The following ORC4 variants were observed in gnomAD, a reference collection of about 807,000 sequenced individuals.
The protein encoded by ORC4 is origin recognition complex, subunit 4 homolog.
A neutral mutation model predicts 63.9 loss-of-function variants in ORC4; 55 were observed. The ratio of observed to expected loss-of-function variants is 0.86; its 90% CI spans 0.69 to 1.08. ORC4 has a LOEUF of 1.08. Among genes scored for constraint, ORC4 ranks in the 50% least tolerant of loss-of-function variants. ORC4 has a pLI of 0.00. For synonymous variants in ORC4, 150 were observed against 168.5 expected (o/e 0.89, Z 0.85); for missense variants, 511 against 504.4 (o/e 1.01, Z -0.13).
At chr2:147,978,223 A>G (rs1690675833) in intron 1 of ORC4, among the ~76,000 whole-genome samples, 1 of 152,194 alleles carries the variant, frequency 6.6e-6, no homozygotes, top group Non-Finnish European at 1.5e-5. Context: ...GCCTGTCCTG[A>G]GGACACAGAA....
Position 147,938,353 on chromosome 2 carries a change from T to C in ORC4, c.999A>G (p.Lys333=). 1 of 1,607,702 alleles carries C rather than the reference T, an allele frequency of 6.2e-7. No individual in the cohort carries two copies. The highest frequency in any genetic ancestry group is 8.5e-7 in the Non-Finnish European group (1 of 1,175,802). The change falls in exon 12 of 14, where the codon AAA becomes AAG. Residue 333 remains lysine, a synonymous_variant. Coordinates refer to ENST00000392857, the MANE Select transcript of ORC4 (RefSeq NM_181741.4). ...VLEICLIIAM[K]HLNDIYEEEP... is the part of the protein sequence containing the mutation. ...CTTCCTCATAGATGTCATTTAAATGTTTCATTGCTATTATAAGACAGATTT... is the reference window on the plus strand; with the variant it reads ...CTTCCTCATAGATGTCATTTAAATGCTTCATTGCTATTATAAGACAGATTT...
chr2:147,962,956 G>C (rs923984883), intron 4 of ORC4, among the ~76,000 whole-genome samples: 1 of 152,036 alleles, frequency 6.6e-6, no homozygotes, highest in East Asian at 1.9e-4. Flanking sequence ...AGCCCTATGG[G>C]CCACCCATGG....
chr2:147,933,388 TTCC>T lies in ORC4; in HGVS notation c.*2119_*2121del, dbSNP rs764522068. ...ATGGAAAGGCCAACAAGCAGCACTG[TTCC>T]TCCCCACAAAAATGCCTTGGGAATA... On this transcript the variant is annotated 3_prime_UTR_variant, in exon 14 of 14. Transcript: ENST00000392857. 1 of 152,136 alleles carries T rather than the reference TTCC, an allele frequency of 6.6e-6. No homozygotes were observed. Among genetic ancestry groups the T allele is most frequent in the Non-Finnish European group, 1.5e-5 (1 of 68,014 alleles). 9.4% of individuals were successfully genotyped at this position (152,136 alleles called of 1,614,324 possible). A position where few individuals can be genotyped will look rare whatever the true frequency, so the allele number is the denominator to read the frequency against.
Position 147,932,772 on chromosome 2 carries a change from GGGGCAGCACTTA to G in ORC4, c.*2726_*2737del, listed in dbSNP as rs1687839669. The stretch of plus-strand genomic sequence containing the variant: ...ATTTTCTAGGGTAAAGGTGAAGGAT[GGGGCAGCACTTA>G]GGTTATGGTGGTTTGAAAGAAACTG... On this transcript the variant is annotated 3_prime_UTR_variant, in exon 14 of 14. Transcript: ENST00000392857. 1 of 152,098 alleles carries G rather than the reference GGGGCAGCACTTA, an allele frequency of 6.6e-6. No individual in the cohort carries two copies. The highest frequency in any genetic ancestry group is 1.5e-5 in the Non-Finnish European group (1 of 68,018). 9.4% of individuals were successfully genotyped at this position (152,098 alleles called of 1,614,324 possible). A position where few individuals can be genotyped will look rare whatever the true frequency, so the allele number is the denominator to read the frequency against.
intron 4 of ORC4, among the ~76,000 whole-genome samples, chr2:147,962,848 ACAAT>A (rs1420586384): frequency 6.6e-6 from 1 of 151,968 alleles, no homozygotes; most frequent in African/African-American, 2.4e-5. Flanking sequence ...TCCTGTGCCC[ACAAT>A]CAGAGCCTGA....
At chr2:147,986,076 T>A (rs1691185358) in intron 1 of ORC4, among the ~76,000 whole-genome samples, 1 of 152,244 alleles carries the variant, frequency 6.6e-6, no homozygotes, top group Admixed American at 6.5e-5. Context: ...TGTCTATGTG[T>A]ACAATTTGTA....
chr2:147,965,923 T>C (rs1045472361), intron 4 of ORC4, among the ~76,000 whole-genome samples: 3 of 152,120 alleles, frequency 2.0e-5, no homozygotes, highest in Non-Finnish European at 2.9e-5. Context: ...TAAAAACAAC[T>C]GGCTAGGTGT....
At chr2:148,015,661 T>C (rs1573907299) in intron 1 of ORC4, among the ~76,000 whole-genome samples, 1 of 148,802 alleles carries the variant, frequency 6.7e-6, no homozygotes, top group African/African-American at 2.6e-5. Context: ...GTCATTTTAA[T>C]GGGCATTTCT....
At chr2:147,987,370 G>A (rs1573851421) in intron 1 of ORC4, among the ~76,000 whole-genome samples, 1 of 112,904 alleles carries the variant, frequency 8.9e-6, no homozygotes, top group South Asian at 3.8e-4. Context: ...ATATATATGT[G>A]TGTGTGTGTG....
intron 6 of ORC4, among the ~76,000 whole-genome samples, chr2:147,955,681 T>A (rs1282673536): frequency 2.6e-5 from 4 of 151,994 alleles, no homozygotes. Context: ...AGAAATTTTA[T>A]ATTTTCCGGA....
intron 1 of ORC4, among the ~76,000 whole-genome samples, chr2:147,992,815 A>G (rs551791507): frequency 6.6e-6 from 1 of 152,228 alleles, no homozygotes; most frequent in Admixed American, 6.5e-5. Context: ...AGCCACTGAA[A>G]CTACCATCCC....
intron 8 of ORC4, 30 bp downstream of exon 8, chr2:147,952,343 T>C (rs1242275011): frequency 5.4e-6 from 8 of 1,476,654 alleles, no homozygotes; most frequent in Non-Finnish European, 7.5e-6. Context: ...AATATTATAA[T>C]CAATTTTTTT....
intron 1 of ORC4, among the ~76,000 whole-genome samples, chr2:147,986,939 A>T (rs1001014491): frequency 2.6e-5 from 4 of 152,188 alleles, no homozygotes; most frequent in African/African-American, 9.7e-5. Context: ...AATGAAAAAA[A>T]AGTGGCATGA....
chr2:147,937,336 A>T (rs1191934368), intron 13 of ORC4, among the ~76,000 whole-genome samples: 1 of 152,086 alleles, frequency 6.6e-6, no homozygotes, highest in African/African-American at 2.4e-5. Context: ...ATTTTTTTTT[A>T]AACTTAAAAA....
At chr2:147,958,214 C>A in intron 6 of ORC4, 84 bp downstream of exon 6, 2 of 855,014 alleles carry the variant, frequency 2.3e-6, no homozygotes, top group Middle Eastern at 3.3e-4. Context: ...CCTCTCCCTA[C>A]CCTTCCAGAA....
chr2:148,016,921 C>G (rs1176749344), intron 1 of ORC4, among the ~76,000 whole-genome samples: 1 of 152,166 alleles, frequency 6.6e-6, no homozygotes, highest in Non-Finnish European at 1.5e-5. Context: ...AGTAAAACAA[C>G]CACAAATCTG....
chr2:147,990,004 T>A (rs778570414), intron 1 of ORC4, among the ~76,000 whole-genome samples: 1 of 152,172 alleles, frequency 6.6e-6, no homozygotes, highest in Non-Finnish European at 1.5e-5. Flanking sequence ...GAACTCTTAG[T>A]AAATTAAAAA....
intron 1 of ORC4, among the ~76,000 whole-genome samples, chr2:148,016,020 G>A (rs1054029239): frequency 3.3e-5 from 5 of 152,122 alleles, no homozygotes; most frequent in Non-Finnish European, 7.4e-5. Context: ...AGAACTCAAC[G>A]TAAGAACTCA....
chr2:147,971,273 A>G (rs1453580001), intron 4 of ORC4, among the ~76,000 whole-genome samples: 2 of 151,214 alleles, frequency 1.3e-5, no homozygotes, highest in Non-Finnish European at 2.9e-5. Context: ...GCCAAAGACA[A>G]TGTTATTATT....
Sources: allele counts gnomAD v4.1 joint callset (sites outside exome capture counted in the v4.1 genomes callset), GRCh38; gene constraint gnomAD v4.1.1; transcripts MANE v1.5; gene names NCBI Gene and HGNC (gene_info 2026-07-23, HGNC 2026-07-21).